WRN: variants seen among roughly 807,000 people sequenced by gnomAD.
The protein encoded by WRN is WRN RecQ like helicase.
A neutral mutation model predicts 180.7 loss-of-function variants in WRN; 149 were observed. The observed-to-expected ratio is 0.82, with a 90% CI of 0.72 to 0.94. The LOEUF (loss-of-function observed/expected upper bound fraction) is 0.94, where lower values mean the gene tolerates loss of function less well. Among genes scored for constraint, WRN ranks in the 40% least tolerant of loss-of-function variants. The pLI is 0.00. For synonymous variants in WRN, 548 were observed against 568.9 expected, an observed-to-expected ratio of 0.96 and a Z score of 0.52; for missense variants, 1,661 against 1,700.1, an observed-to-expected ratio of 0.98 and a Z score of 0.40.
chr8:31,151,897 T>G (rs1336616165), intron 31 of WRN, among the ~76,000 whole-genome samples: 10 of 142,126 alleles, frequency 7.0e-5, no homozygotes, highest in African/African-American at 2.5e-4. Flanking sequence ...TTCATTAGCC[T>G]TTTATTTTTT....
intron 21 of WRN, among the ~76,000 whole-genome samples, chr8:31,123,864 G>A (rs1202155952): frequency 6.6e-6 from 1 of 152,062 alleles, no homozygotes; most frequent in Non-Finnish European, 1.5e-5. Context: ...AATTATGGCT[G>A]CATTGACTTT....
chr8:31,153,599 C>T (rs1803230963), intron 31 of WRN, among the ~76,000 whole-genome samples: 1 of 152,048 alleles, frequency 6.6e-6, no homozygotes, highest in South Asian at 2.1e-4. Context: ...GAGATTCTTC[C>T]ACATGTAAAA....
intron 33 of WRN, among the ~76,000 whole-genome samples, chr8:31,166,528 C>A (rs1301873490): frequency 3.3e-5 from 5 of 152,026 alleles, no homozygotes; most frequent in African/African-American, 4.8e-5. Flanking sequence ...CTTGTTATTA[C>A]AATAATAGCC....
chr8:31,049,234 A>AAAAAAG (rs1811993955), intron 1 of WRN, among the ~76,000 whole-genome samples: 2 of 149,778 alleles, frequency 1.3e-5, no homozygotes, highest in South Asian at 2.1e-4. Context: ...AAAAAAAAAA[A>AAAAAAG]AAAGAAAGAA....
chr8:31,123,181 G>A (rs73583745), intron 21 of WRN, among the ~76,000 whole-genome samples: 3,687 of 152,056 alleles, frequency 0.024, 134 homozygotes, highest in African/African-American at 0.084. Flanking sequence ...GTGCATTCAC[G>A]TTGTATTTAC....
rs770548815 is a variant in WRN at position 31,124,974 on chromosome 8, A to G, written c.2799A>G (p.Glu933=). Residue 933 remains glutamate (E), a synonymous_variant, in exon 23 of 35, where the codon GAA becomes GAG. Coordinates refer to ENST00000298139, the MANE Select transcript of WRN (RefSeq NM_000553.6). ...CCTCCTTGGGAATTATGGGAACTGA[A>G]AAATGCTGTGATAATTGCAGGTCCA... ...QKASLGIMGT[E]KCCDNCRSRL... is the part of the protein sequence containing the mutation. 6.2e-6 allele frequency: 10 copies of G among 1,613,080 alleles called. No individual in the cohort carries two copies. The East Asian group carries it at 2.0e-4, about 32-fold the overall frequency.
In WRN at chr8:31,173,046, A is replaced by G. The variant is rs1436508029; in HGVS notation, c.4243A>G (p.Ser1415Gly). The G allele has an allele frequency of 6.2e-7, 1 of 1,613,928 alleles. No homozygotes were observed. The highest frequency in any genetic ancestry group is 1.3e-5 in the African/African-American group (1 of 74,934). The change falls in exon 35 of 35, where the codon AGT becomes GGT. Residue 1415 changes from serine to glycine, a missense_variant. This residue lies in a region of WRN where 1,141 missense variants were observed against 1,149.4 expected (regional missense o/e 0.99). Transcript: ENST00000298139. ...ATTACCTGTGTGGTTTGCCAAAGGA[A>G]GTGATACCAGCAAGAAATTAATGGA... ...RRLPVWFAKG[S>G]DTSKKLMDKT... is the part of the protein sequence containing the mutation.
At chr8:31,045,227 C>T (rs917433950) in intron 1 of WRN, among the ~76,000 whole-genome samples, 18 of 152,048 alleles carry the variant, frequency 1.2e-4, no homozygotes, top group Admixed American at 6.6e-4. Flanking sequence ...TATGTATTTA[C>T]GGTGTACAAC....
intron 24 of WRN, 74 bp from the exon 25 acceptor site, chr8:31,141,356 G>A: frequency 6.4e-7 from 1 of 1,571,860 alleles, no homozygotes; most frequent in South Asian, 1.1e-5. Context: ...AGAATCAATA[G>A]ACAAGTCTGT....
chr8:31,128,451 C>A (rs918248896), intron 23 of WRN, among the ~76,000 whole-genome samples: 2 of 152,156 alleles, frequency 1.3e-5, no homozygotes, highest in Non-Finnish European at 2.9e-5. Context: ...GTCCAAAACC[C>A]TAAGATCTGG....
At chr8:31,144,037 T>A (rs1802766442) in intron 28 of WRN, among the ~76,000 whole-genome samples, 1 of 152,230 alleles carries the variant, frequency 6.6e-6, no homozygotes, top group African/African-American at 2.4e-5. Context: ...CAAGACACTA[T>A]TTATTTTTCT....
chr8:31,049,511 C>CAA (rs754805498), intron 1 of WRN, among the ~76,000 whole-genome samples: 11 of 78,794 alleles, frequency 1.4e-4, no homozygotes, highest in Non-Finnish European at 2.1e-4. Flanking sequence ...GACTCTGTCT[C>CAA]AAAAAAAAAA....
chr8:31,040,992 T>C (rs1025333730), intron 1 of WRN, among the ~76,000 whole-genome samples: 2 of 152,104 alleles, frequency 1.3e-5, no homozygotes, highest in African/African-American at 4.8e-5. Flanking sequence ...TTTGCACACA[T>C]GGAGAGGTTG....
intron 32 of WRN, among the ~76,000 whole-genome samples, chr8:31,155,486 G>T (rs1317273206): frequency 6.6e-6 from 1 of 152,056 alleles, no homozygotes; most frequent in Admixed American, 6.6e-5. Flanking sequence ...GCTGGGCGTA[G>T]TGACGCATGC....
At chr8:31,099,546 GT>G (rs1228091730) in intron 17 of WRN, among the ~76,000 whole-genome samples, 24 of 143,278 alleles carry the variant, frequency 1.7e-4, no homozygotes, top group African/African-American at 2.8e-4. Flanking sequence ...TGTTTAGTAG[GT>G]TTTTTTTTTG....
At chr8:31,044,982 A>G (rs975318995) in intron 1 of WRN, among the ~76,000 whole-genome samples, 2 of 152,242 alleles carry the variant, frequency 1.3e-5, no homozygotes, top group Admixed American at 6.5e-5. Flanking sequence ...GATGCCTTCT[A>G]TGAAACATCT....
intron 30 of WRN, among the ~76,000 whole-genome samples, chr8:31,147,953 T>TAA (rs1802933300): frequency 6.7e-6 from 1 of 149,970 alleles, no homozygotes; most frequent in African/African-American, 2.4e-5. Flanking sequence ...AGTGGTGCGA[T>TAA]CACTGCTCAC....
chr8:31,065,355 C>G (rs1204673803), intron 5 of WRN, among the ~76,000 whole-genome samples: 1 of 151,974 alleles, frequency 6.6e-6, no homozygotes, highest in East Asian at 1.9e-4. Flanking sequence ...AGCCTGGTAC[C>G]CATTAGTTAT....
chr8:31,091,637 AC>A (rs1813749919), intron 15 of WRN, among the ~76,000 whole-genome samples, 192 bp from the exon 16 acceptor site: 1 of 152,010 alleles, frequency 6.6e-6, no homozygotes. Flanking sequence ...TCTTTCAAAG[AC>A]CCACCTTAAA....
Sources: gnomAD v4.1 joint callset for allele counts (sites outside exome capture counted in the v4.1 genomes callset) on GRCh38, gnomAD v4.1.1 for gene constraint, gnomAD v4.1.1 regional missense constraint, MANE v1.5 for transcripts, NCBI Gene and HGNC (gene_info 2026-07-23, HGNC 2026-07-21) for gene names.